FKTN: variants seen among roughly 807,000 people sequenced by gnomAD.
The protein encoded by FKTN is fukutin, also known as ribitol-5-phosphate transferase FKTN.
A neutral mutation model predicts 58.6 loss-of-function variants in FKTN; 47 were observed. The ratio of observed to expected loss-of-function variants is 0.80; its 90% CI spans 0.63 to 1.02. FKTN has a LOEUF of 1.02. Among genes scored for constraint, FKTN ranks in the 50% least tolerant of loss-of-function variants. FKTN has a pLI of 0.00. For missense variants in FKTN, 516 were observed against 537.3 expected (o/e 0.96, Z 0.39); for synonymous variants, 178 against 191.9 (o/e 0.93, Z 0.60).
At chr9:105,616,078 C>A (rs1016035622) in intron 8 of FKTN, among the ~76,000 whole-genome samples, 1 of 152,102 alleles carries the variant, frequency 6.6e-6, no homozygotes, top group Non-Finnish European at 1.5e-5. Flanking sequence ...AATCTGAGCC[C>A]TGAAAGATTT....
At position 105,619,987 on chromosome 9, in the gene FKTN, T is replaced by C. The variant is rs1159162951; in HGVS notation, c.1098T>C (p.Asp366=). 6.8e-6 allele frequency: 11 copies of C among 1,612,712 alleles called. No individual in the cohort carries two copies. Among genetic ancestry groups the C allele is most frequent in the Non-Finnish European group, 7.6e-6 (9 of 1,178,938 alleles). ...AGGGAAAAGATGATGTAAAACTTGA[T>C]GTTTTTTTCTTCTATGAAGAAACTG... ...SFQGKDDVKL[D]VFFFYEETDH... Residue 366 remains aspartate (D), a synonymous_variant, in exon 10 of 11, where the codon GAT becomes GAC. Transcript: ENST00000357998.
intron 6 of FKTN, 48 bp from the exon 7 acceptor site, chr9:105,607,771 C>G: frequency 1.3e-6 from 2 of 1,563,742 alleles, no homozygotes; most frequent in Non-Finnish European, 1.8e-6. Flanking sequence ...TGTTCTCCCT[C>G]CCTGTTTCCC....
chr9:105,600,535 C>T (rs888905020), intron 4 of FKTN, among the ~76,000 whole-genome samples: 42 of 151,966 alleles, frequency 2.8e-4, no homozygotes, highest in African/African-American at 1.0e-3. Flanking sequence ...CTACTTACTA[C>T]CCAGCAGAGT....
intron 10 of FKTN, among the ~76,000 whole-genome samples, chr9:105,622,045 T>C (rs1464518334): frequency 6.6e-6 from 1 of 152,034 alleles, no homozygotes. Context: ...AACCACATGG[T>C]TTGAGAATAT....
At chr9:105,621,253 A>G (rs904942831) in intron 10 of FKTN, among the ~76,000 whole-genome samples, 5 of 152,144 alleles carry the variant, frequency 3.3e-5, no homozygotes, top group Non-Finnish European at 5.9e-5. Flanking sequence ...TGTGACCTTA[A>G]AAGGCAGAGA....
At chr9:105,558,231 G>T (rs1837556182) in intron 1 of FKTN, 66 bp downstream of exon 1, 1 of 152,310 alleles carries the variant, frequency 6.6e-6, no homozygotes, top group African/African-American at 2.4e-5. Context: ...GGTACCGCTG[G>T]CGACTCGGGT....
rs41277799 is a variant in FKTN, at chr9:105,639,314, C to G, written c.*4050C>G. 4.1e-6 allele frequency: 4 copies of G among 980,638 alleles called. No individual in the cohort carries two copies. The highest frequency in any genetic ancestry group is 4.8e-6 in the Non-Finnish European group (4 of 825,628). The allele number at this position is 980,638 out of a possible 1,614,324, so 60.7% of individuals were successfully genotyped here. A position where few individuals can be genotyped will look rare whatever the true frequency, so the allele number is the denominator to read the frequency against. On this transcript the variant is annotated 3_prime_UTR_variant, in exon 11 of 11. Coordinates refer to ENST00000357998, the MANE Select transcript of FKTN (RefSeq NM_001079802.2). ...CCTCTAACATCTCACTCAGGGAAGGCAATGTGTTGCCATAAAAAGACCACA... is the reference window on the plus strand; with the variant it reads ...CCTCTAACATCTCACTCAGGGAAGGGAATGTGTTGCCATAAAAAGACCACA...
chr9:105,573,619 C>T (rs1310084324), intron 1 of FKTN, 36 bp from the exon 2 acceptor site: 1 of 151,262 alleles, frequency 6.6e-6, no homozygotes. Context: ...CAAAGTGAGA[C>T]CCTGTCTCAA....
At chr9:105,581,227 TAGG>T (rs1418126777) in intron 3 of FKTN, among the ~76,000 whole-genome samples, 1 of 149,686 alleles carries the variant, frequency 6.7e-6, no homozygotes, top group Non-Finnish European at 1.5e-5. Flanking sequence ...CGTTCCTTTG[TAGG>T]AGGAGAGGCG....
intron 3 of FKTN, among the ~76,000 whole-genome samples, chr9:105,581,700 T>C (rs890478812): frequency 8.5e-5 from 13 of 152,212 alleles, no homozygotes; most frequent in Non-Finnish European, 1.9e-4. Flanking sequence ...TCCATGCAGT[T>C]CGAGCTTCCC....
rs138420309 is a variant in FKTN at position 105,608,264 on chromosome 9, C to T, written c.780+313C>T. Among the ~76,000 whole-genome samples the T allele has an allele frequency of 7.8e-3, 1,184 of 152,290 alleles. 18 individuals are homozygous for T. Among genetic ancestry groups the T allele is most frequent in the African/African-American group, 0.027 (1,106 of 41,566 alleles). ...AACTTTGTGAAAGGTGGTGTATTCTCAGTCCAAGTAGGATAAAGCCACTAT... is the reference window on the plus strand; with the variant it reads ...AACTTTGTGAAAGGTGGTGTATTCTTAGTCCAAGTAGGATAAAGCCACTAT... On this transcript the variant is annotated intron_variant, in intron 7 of 10. Coordinates refer to ENST00000357998, the MANE Select transcript of FKTN (RefSeq NM_001079802.2).
At chr9:105,619,431 T>C (rs982678386) in intron 9 of FKTN, among the ~76,000 whole-genome samples, 1 of 152,208 alleles carries the variant, frequency 6.6e-6, no homozygotes, top group Admixed American at 6.5e-5. Flanking sequence ...TTATTTATTT[T>C]TTTACCTTAA....
chr9:105,583,273 G>T (rs1843349941), intron 3 of FKTN, among the ~76,000 whole-genome samples: 1 of 152,172 alleles, frequency 6.6e-6, no homozygotes, highest in Non-Finnish European at 1.5e-5. Flanking sequence ...AGTAGATCTT[G>T]TTCTTCCTGT....
At chr9:105,586,086 G>A (rs141176668) in intron 3 of FKTN, among the ~76,000 whole-genome samples, 49 of 152,296 alleles carry the variant, frequency 3.2e-4, no homozygotes, top group African/African-American at 1.2e-3. Context: ...TGGAGTTTAA[G>A]GAGACTTACT....
At chr9:105,591,864 A>G (rs1844937394) in intron 3 of FKTN, among the ~76,000 whole-genome samples, 1 of 152,250 alleles carries the variant, frequency 6.6e-6, no homozygotes, top group Admixed American at 6.5e-5. Flanking sequence ...ATCTAGGCAG[A>G]GGCTCTTAAG....
chr9:105,619,765 C>G (rs1831517619), intron 9 of FKTN, 169 bp from the exon 10 acceptor site: 1 of 538,896 alleles, frequency 1.9e-6, no homozygotes. Context: ...GTTACTGATG[C>G]ATCCCAATTT....
intron 10 of FKTN, among the ~76,000 whole-genome samples, chr9:105,621,716 C>G (rs1831983966): frequency 1.3e-5 from 2 of 152,058 alleles, no homozygotes; most frequent in Admixed American, 1.3e-4. Context: ...CTTTTCCTCA[C>G]ATAGCTATGT....
chr9:105,592,767 CT>C (rs147685606), intron 3 of FKTN, among the ~76,000 whole-genome samples: 3,731 of 152,294 alleles, frequency 0.024, 172 homozygotes, highest in African/African-American at 0.085. Context: ...ACAAAAGTGA[CT>C]TTTTGCTTCA....
chr9:105,562,027 TAA>T (rs1838389254), intron 1 of FKTN, among the ~76,000 whole-genome samples: 1 of 151,926 alleles, frequency 6.6e-6, no homozygotes, highest in Non-Finnish European at 1.5e-5. Flanking sequence ...TACCTTTTCC[TAA>T]TTACACTACT....
Sources: allele counts gnomAD v4.1 joint callset (sites outside exome capture counted in the v4.1 genomes callset), GRCh38; gene constraint gnomAD v4.1.1; transcripts MANE v1.5; gene names NCBI Gene and HGNC (gene_info 2026-07-23, HGNC 2026-07-21).